The following PRDM16 variants were observed in gnomAD, a reference collection of about 807,000 sequenced individuals.
PRDM16 encodes the protein PR/SET domain 16, also known as histone-lysine N-methyltransferase PRDM16.
PRDM16 carries 23 observed loss-of-function variants against 110.6 expected under a neutral mutation model. The ratio of observed to expected loss-of-function variants is 0.21; its 90% CI spans 0.15 to 0.29. The LOEUF is 0.29. Ranked by LOEUF, PRDM16 falls within the 10% of genes least tolerant of loss-of-function variation. PRDM16 has a pLI of 1.00. For synonymous variants in PRDM16, 799 were observed against 781.8 expected (o/e 1.02, Z -0.37); for missense variants, 1,615 against 1,794.3 (o/e 0.90, Z 1.81).
At chr1:3,218,519 C>T (rs574404266) in intron 2 of PRDM16, among the ~76,000 whole-genome samples, 10 of 152,344 alleles carry the variant, frequency 6.6e-5, no homozygotes, top group African/African-American at 2.2e-4. Flanking sequence ...TGTGCCCGCC[C>T]GCACAGGTGG....
rs1642771291 is a variant in PRDM16 at position 3,110,648 on chromosome 1, A to AT, written c.37+41353dup. Among the ~76,000 whole-genome samples the AT allele has an allele frequency of 2.0e-5, 3 of 152,256 alleles. No homozygotes were observed. The South Asian group carries it at 6.2e-4, about 31-fold the overall frequency. ...AACGTGGGTGTTTTCTCAAGTATTC[A>AT]TGCAAATCATTATCTAAAGAGAGAA... On this transcript the variant is annotated intron_variant, in intron 1 of 16. Transcript: ENST00000270722.
intron 1 of PRDM16, among the ~76,000 whole-genome samples, chr1:3,144,549 G>A (rs2100708264): frequency 6.6e-6 from 1 of 152,224 alleles, no homozygotes; most frequent in South Asian, 2.1e-4. Context: ...GGGTGGGGGA[G>A]GGGGTGGCCA....
chr1:3,404,436 C>A (rs1643525055), intron 6 of PRDM16, among the ~76,000 whole-genome samples: 1 of 152,268 alleles, frequency 6.6e-6, no homozygotes, highest in South Asian at 2.1e-4. Flanking sequence ...GCTTGAGAGG[C>A]ACCCAGGGAG....
At chr1:3,177,738 T>C (rs772270337) in intron 1 of PRDM16, among the ~76,000 whole-genome samples, 1 of 152,248 alleles carries the variant, frequency 6.6e-6, no homozygotes, top group Non-Finnish European at 1.5e-5. Flanking sequence ...CCATGTTTCC[T>C]CACAGTCTTG....
intron 1 of PRDM16, among the ~76,000 whole-genome samples, chr1:3,146,733 TTG>T (rs1225775814): frequency 1.4e-5 from 1 of 70,876 alleles, no homozygotes; most frequent in Non-Finnish European, 2.8e-5. Context: ...TCGGTGTGGG[TTG>T]TGTGAGTGCA....
At chr1:3,135,780 C>T (rs912514134) in intron 1 of PRDM16, among the ~76,000 whole-genome samples, 4 of 152,208 alleles carry the variant, frequency 2.6e-5, no homozygotes, top group Admixed American at 6.5e-5. Flanking sequence ...CAAACCTCCT[C>T]GGAGCTGGAT....
chr1:3,262,092 AG>A (rs1640176156), intron 3 of PRDM16, among the ~76,000 whole-genome samples: 1 of 152,244 alleles, frequency 6.6e-6, no homozygotes, highest in South Asian at 2.1e-4. Flanking sequence ...TTGTGCTTTT[AG>A]CAAGTAGTAC....
chr1:3,231,283 G>A (rs1569887649), intron 2 of PRDM16, among the ~76,000 whole-genome samples: 2 of 152,172 alleles, frequency 1.3e-5, no homozygotes, highest in African/African-American at 2.4e-5. Context: ...TCTTGAAAAC[G>A]GGTGGTTACG....
intron 3 of PRDM16, among the ~76,000 whole-genome samples, chr1:3,279,366 C>A (rs540491670): frequency 2.0e-5 from 3 of 152,318 alleles, no homozygotes; most frequent in Admixed American, 6.5e-5. Flanking sequence ...GAAGGGCGGG[C>A]CCTCGCGGTG....
At chr1:3,087,147 G>A (rs1043616720) in intron 1 of PRDM16, among the ~76,000 whole-genome samples, 4 of 151,970 alleles carry the variant, frequency 2.6e-5, no homozygotes, top group African/African-American at 9.7e-5. Flanking sequence ...TTTCAGAAGA[G>A]GCAGCCTCAC....
At chr1:3,076,667 A>G (rs1641908232) in intron 1 of PRDM16, among the ~76,000 whole-genome samples, 1 of 152,192 alleles carries the variant, frequency 6.6e-6, no homozygotes, top group African/African-American at 2.4e-5. Context: ...GCTTAGCTGG[A>G]GGCCAGGGGC....
Position 3,148,258 on chromosome 1 carries a change from G to C in PRDM16, c.38-37867G>C, listed in dbSNP as rs542753617. Among the ~76,000 whole-genome samples, 1 of 152,176 alleles carries C rather than the reference G, an allele frequency of 6.6e-6. No individual in the cohort carries two copies. The highest frequency in any genetic ancestry group is 2.1e-4 in the South Asian group (1 of 4,818). ...GTCCTGGGTGCAATCTCATGCCCTG[G>C]TGGCCCTGGTGAGAGCAGGTCGGGT... On this transcript the variant is annotated intron_variant, in intron 1 of 16. Transcript: ENST00000270722. This position sits in a 1 kb window ranked among gnomAD's most constrained non-coding sequence, Gnocchi z 5.0.
intron 3 of PRDM16, among the ~76,000 whole-genome samples, chr1:3,292,638 C>G (rs1641002257): frequency 6.6e-6 from 1 of 152,188 alleles, no homozygotes; most frequent in Non-Finnish European, 1.5e-5. Flanking sequence ...TCTGCCTGCT[C>G]TCCTGAAGGG....
chr1:3,335,428 C>T (rs1043736192), intron 3 of PRDM16, among the ~76,000 whole-genome samples: 6 of 152,194 alleles, frequency 3.9e-5, no homozygotes, highest in Admixed American at 2.0e-4. Flanking sequence ...GTAGAGAACA[C>T]GTCCTTAGCC....
At chr1:3,114,400 G>A (rs552519547) in intron 1 of PRDM16, among the ~76,000 whole-genome samples, 16 of 97,954 alleles carry the variant, frequency 1.6e-4, no homozygotes, top group African/African-American at 4.2e-4. Flanking sequence ...GCACGCACGC[G>A]CACACACACG....
chr1:3,092,599 T>C (rs1642302980), intron 1 of PRDM16, among the ~76,000 whole-genome samples: 1 of 152,240 alleles, frequency 6.6e-6, no homozygotes, highest in Admixed American at 6.5e-5. Context: ...AGGCACACAC[T>C]GCATCCCCCT....
chr1:3,359,533 G>A lies in PRDM16; in HGVS notation c.439-25619G>A, dbSNP rs1437573332. 6.6e-6 allele frequency among the ~76,000 whole-genome samples: 1 copy of A among 152,120 alleles called. No homozygotes were observed. Among genetic ancestry groups the A allele is most frequent in the African/African-American group, 2.4e-5 (1 of 41,424 alleles). On this transcript the variant is annotated intron_variant, in intron 3 of 16. Transcript: ENST00000270722. This position sits in a 1 kb window ranked among gnomAD's most constrained non-coding sequence, Gnocchi z 4.3. ...GGCTGCAGCCTCCCGAGGTGAGCCT[G>A]TCTGCACCATCTGCATCGCATCTCT... is the stretch of plus-strand genomic sequence containing the variant.
At chr1:3,269,643 AGGAGGACAGTTGG>A in intron 3 of PRDM16, among the ~76,000 whole-genome samples, 1 of 100,316 alleles carries the variant, frequency 1.0e-5, no homozygotes, top group East Asian at 2.1e-4. Flanking sequence ...ACAGTCCCGG[AGGAGGACAGTTGG>A]GAGGAGGACA....
chr1:3,429,040 A>C (rs1252926117), intron 14 of PRDM16, among the ~76,000 whole-genome samples: 1 of 152,260 alleles, frequency 6.6e-6, no homozygotes, highest in Non-Finnish European at 1.5e-5. Context: ...AGGGTCACAT[A>C]GGAGGGCCGA....
Sources: allele counts gnomAD v4.1 joint callset (sites outside exome capture counted in the v4.1 genomes callset), GRCh38; gene constraint gnomAD v4.1.1; non-coding constraint Gnocchi (gnomAD v3.1); transcripts MANE v1.5; gene names NCBI Gene and HGNC (gene_info 2026-07-23, HGNC 2026-07-21).